The following YARS1 variants were observed in gnomAD, a reference collection of about 807,000 sequenced individuals.
The protein encoded by YARS1 is tyrosyl-tRNA synthetase 1.
Under a neutral mutation model 62.2 loss-of-function variants are expected in YARS1, and 36 were observed. The observed-to-expected ratio is 0.58, with a 90% CI of 0.44 to 0.76. The LOEUF (loss-of-function observed/expected upper bound fraction) is 0.76, where lower values mean the gene tolerates loss of function less well. YARS1 is among the 30% of genes least tolerant of loss of function. YARS1 has a pLI of 0.00. For synonymous variants in YARS1, 234 were observed against 244.9 expected (o/e 0.96, Z 0.42); for missense variants, 524 against 639.8 (o/e 0.82, Z 1.95).
At chr1:32,783,059 T>G (rs1176913717) in intron 8 of YARS1, 1 of 160,926 alleles carries the variant, frequency 6.2e-6, no homozygotes, top group Non-Finnish European at 1.4e-5. Flanking sequence ...TCTTGCTATG[T>G]TACCCAGGCT....
chr1:32,806,401 T>TA, intron 4 of YARS1, 81 bp downstream of exon 4: 1 of 1,609,242 alleles, frequency 6.2e-7, no homozygotes, highest in South Asian at 1.1e-5. Context: ...CGTAGTGCAG[T>TA]AAAGCAAAGT....
In YARS1 at chr1:32,796,252, C is replaced by T. The variant is rs192052180; in HGVS notation, c.591+1511G>A. 2.0e-3 allele frequency among the ~76,000 whole-genome samples: 310 copies of T among 151,798 alleles called. 3 individuals are homozygous for T. Among genetic ancestry groups the T allele is most frequent in the African/African-American group, 6.1e-3 (252 of 41,408 alleles). On this transcript the variant is annotated intron_variant, in intron 5 of 12. Coordinates refer to ENST00000373477, the MANE Select transcript of YARS1 (RefSeq NM_003680.4). ...CAGAGGTTGCAGTGAGCCGAGATCG[C>T]GCCACTGCACTCCAGCCCAGGCAAC...
chr1:32,799,524 T>C (rs949214988), intron 4 of YARS1, among the ~76,000 whole-genome samples: 1 of 152,124 alleles, frequency 6.6e-6, no homozygotes, highest in African/African-American at 2.4e-5. Flanking sequence ...ATTTAAGACA[T>C]TTTAAAAAAG....
chr1:32,797,049 TAG>T (rs1653626640), intron 5 of YARS1, among the ~76,000 whole-genome samples: 5 of 80,192 alleles, frequency 6.2e-5, no homozygotes, highest in African/African-American at 2.3e-4. Context: ...TATATATATA[TAG>T]TAAGCATTTC....
At chr1:32,789,631 C>G (rs1163559504) in intron 6 of YARS1, among the ~76,000 whole-genome samples, 1 of 151,628 alleles carries the variant, frequency 6.6e-6, no homozygotes, top group African/African-American at 2.4e-5. Context: ...CTCTGTGGCC[C>G]AGGCTGGAGT....
intron 1 of YARS1, among the ~76,000 whole-genome samples, chr1:32,815,362 C>A (rs899756014): frequency 6.6e-6 from 1 of 152,026 alleles, no homozygotes. Flanking sequence ...AAAAAAAATC[C>A]CCAAAACAAA....
Position 32,806,628 on chromosome 1 carries a change from G to A in YARS1, c.381-17C>T, listed in dbSNP as rs1267382330. The A allele has an allele frequency of 6.2e-7, 1 of 1,614,148 alleles. No homozygotes were observed. The highest frequency in any genetic ancestry group is 1.1e-5 in the South Asian group (1 of 91,080). ...GTGTACTCTCTGAAGAGGAAAGGAAGAGGGGACAGCTGTAAACCTGGGCCT... is the reference window on the plus strand; with the variant it reads ...GTGTACTCTCTGAAGAGGAAAGGAAAAGGGGACAGCTGTAAACCTGGGCCT... On this transcript the variant is annotated splice_polypyrimidine_tract_variant and intron_variant, in intron 3 of 12. Coordinates refer to ENST00000373477, the MANE Select transcript of YARS1 (RefSeq NM_003680.4).
At chr1:32,779,683 C>T (rs1652990518) in intron 11 of YARS1, 160 bp from the exon 12 acceptor site, 1 of 888,016 alleles carries the variant, frequency 1.1e-6, no homozygotes. Context: ...TACATCCCTG[C>T]ATATCACCAG....
intron 5 of YARS1, among the ~76,000 whole-genome samples, chr1:32,795,676 C>T (rs964281980): frequency 2.7e-5 from 4 of 148,654 alleles, no homozygotes; most frequent in African/African-American, 5.0e-5. Context: ...TGTGGTGGCA[C>T]GCGCCTGTAG....
chr1:32,801,060 A>G (rs1003784757), intron 4 of YARS1, among the ~76,000 whole-genome samples: 1 of 152,220 alleles, frequency 6.6e-6, no homozygotes, highest in Non-Finnish European at 1.5e-5. Flanking sequence ...GATTATGATT[A>G]ATATAAAGAT....
At chr1:32,787,200 G>C in intron 6 of YARS1, 125 bp from the exon 7 acceptor site, 1 of 1,112,394 alleles carries the variant, frequency 9.0e-7, no homozygotes. Flanking sequence ...CACAATCATG[G>C]CTCACTGCAG....
intron 5 of YARS1, among the ~76,000 whole-genome samples, chr1:32,794,679 T>G (rs1201950395): frequency 6.6e-6 from 1 of 150,678 alleles, no homozygotes; most frequent in East Asian, 2.0e-4. Flanking sequence ...AGTGACCCAT[T>G]GCGCCCAGCC....
At chr1:32,778,101 G>GCACTCCTCTATC (rs960318272) in intron 12 of YARS1, among the ~76,000 whole-genome samples, 2 of 152,166 alleles carry the variant, frequency 1.3e-5, no homozygotes, top group Non-Finnish European at 2.9e-5. Flanking sequence ...TCCTCCAGAA[G>GCACTCCTCTATC]CACTCCTCTA....
intron 12 of YARS1, among the ~76,000 whole-genome samples, chr1:32,778,169 T>C (rs535171669): frequency 1.3e-5 from 2 of 152,188 alleles, no homozygotes; most frequent in Non-Finnish European, 2.9e-5. Flanking sequence ...GTTAGTTCCA[T>C]GAGGAGAGTC....
chr1:32,806,340 C>G (rs1638465735), intron 4 of YARS1, 142 bp downstream of exon 4: 2 of 1,317,242 alleles, frequency 1.5e-6, no homozygotes, highest in Non-Finnish European at 2.1e-6. Context: ...GGTGGACTTG[C>G]TGTACACAGG....
At chr1:32,802,550 C>T (rs1085227) in intron 4 of YARS1, among the ~76,000 whole-genome samples, 47,394 of 151,966 alleles carry the variant, frequency 0.31, 7,511 homozygotes, top group Middle Eastern at 0.34. Context: ...CCTTGATCCA[C>T]GGGCTATAGA....
chr1:32,811,416 G>A, intron 1 of YARS1: 1 of 359,128 alleles, frequency 2.8e-6, no homozygotes, highest in Non-Finnish European at 5.4e-6. Context: ...CAGTTCCCAG[G>A]AATTTGCCCA....
chr1:32,795,204 A>T (rs998962543), intron 5 of YARS1, among the ~76,000 whole-genome samples: 1 of 151,172 alleles, frequency 6.6e-6, no homozygotes, highest in African/African-American at 2.4e-5. Context: ...CTGTAGTCCC[A>T]GCTACTTGGG....
intron 8 of YARS1, among the ~76,000 whole-genome samples, chr1:32,784,808 T>G (rs1034932739): frequency 6.6e-6 from 1 of 152,206 alleles, no homozygotes; most frequent in Admixed American, 6.5e-5. Context: ...TTTACAAGTC[T>G]GCCTCGCCTA....
Sources: gnomAD v4.1 joint callset for allele counts (sites outside exome capture counted in the v4.1 genomes callset) on GRCh38, gnomAD v4.1.1 for gene constraint, MANE v1.5 for transcripts, NCBI Gene and HGNC (gene_info 2026-07-23, HGNC 2026-07-21) for gene names.